Variants in CAMK1D observed in about 807,000 individuals in gnomAD.
CAMK1D encodes calcium/calmodulin dependent protein kinase ID, also known as calcium/calmodulin-dependent protein kinase type 1D.
Under a neutral mutation model 47.7 loss-of-function variants are expected in CAMK1D, and 9 were observed. The ratio of observed to expected loss-of-function variants is 0.19; its 90% CI spans 0.11 to 0.33. CAMK1D has a LOEUF of 0.33. CAMK1D is among the 10% of genes least tolerant of loss of function. CAMK1D has a pLI of 1.00. For missense variants in CAMK1D, 291 were observed against 488.7 expected (o/e 0.60, Z 3.81); for synonymous variants, 184 against 184.9 (o/e 0.99, Z 0.04).
chr10:12,377,005 C>T (rs1179985603), intron 1 of CAMK1D, among the ~76,000 whole-genome samples: 1 of 152,146 alleles, frequency 6.6e-6, no homozygotes, highest in Non-Finnish European at 1.5e-5. Flanking sequence ...AAGTGATCCT[C>T]CTGCCTCGGC....
intron 3 of CAMK1D, among the ~76,000 whole-genome samples, chr10:12,746,915 C>A (rs1346457557): frequency 6.6e-6 from 1 of 152,156 alleles, no homozygotes; most frequent in African/African-American, 2.4e-5. Flanking sequence ...GTTAATGGAA[C>A]CCTAGAAGCA....
chr10:12,472,114 T>G (rs1833765059), intron 1 of CAMK1D, among the ~76,000 whole-genome samples: 1 of 152,118 alleles, frequency 6.6e-6, no homozygotes, highest in Non-Finnish European at 1.5e-5. Context: ...CTGTTTAATC[T>G]GAGATGCGTC....
intron 1 of CAMK1D, among the ~76,000 whole-genome samples, chr10:12,356,218 G>A (rs560548687): frequency 2.2e-4 from 33 of 152,220 alleles, no homozygotes; most frequent in African/African-American, 7.5e-4. Flanking sequence ...GCCGAATTCC[G>A]GATGTGTTTT....
intron 1 of CAMK1D, among the ~76,000 whole-genome samples, chr10:12,547,904 C>T (rs1836448432): frequency 6.6e-6 from 1 of 152,154 alleles, no homozygotes; most frequent in African/African-American, 2.4e-5. Context: ...TAAAGCGGGT[C>T]AATGCACATT....
chr10:12,810,502 T>G (rs1008366968), intron 6 of CAMK1D, among the ~76,000 whole-genome samples: 1 of 152,228 alleles, frequency 6.6e-6, no homozygotes, highest in African/African-American at 2.4e-5. Context: ...CTCGAACTCC[T>G]GACCTCAGGT....
At chr10:12,671,954 C>T (rs1471621693) in intron 3 of CAMK1D, among the ~76,000 whole-genome samples, 29 of 139,332 alleles carry the variant, frequency 2.1e-4, no homozygotes, top group Non-Finnish European at 3.6e-4. Flanking sequence ...CTCAGTCTGT[C>T]GCCCAGGCTG....
intron 3 of CAMK1D, among the ~76,000 whole-genome samples, chr10:12,748,983 A>C (rs562763848): frequency 1.3e-5 from 2 of 152,256 alleles, no homozygotes; most frequent in East Asian, 3.9e-4. Context: ...TCTCTGTTCA[A>C]TTTGATTGTA....
intron 1 of CAMK1D, among the ~76,000 whole-genome samples, chr10:12,445,746 T>C (rs1443239702): frequency 6.6e-6 from 1 of 152,200 alleles, no homozygotes; most frequent in Non-Finnish European, 1.5e-5. Flanking sequence ...GAGAATTATA[T>C]TGCTCATTTG....
At chr10:12,387,346 AT>A (rs1399515078) in intron 1 of CAMK1D, among the ~76,000 whole-genome samples, 3 of 135,038 alleles carry the variant, frequency 2.2e-5, no homozygotes, top group Non-Finnish European at 3.1e-5. Context: ...AGATATATAT[AT>A]TATATTTTAT....
intron 3 of CAMK1D, among the ~76,000 whole-genome samples, chr10:12,727,698 T>C (rs909440385): frequency 9.9e-5 from 15 of 151,932 alleles, no homozygotes; most frequent in African/African-American, 3.6e-4. Context: ...CGTATCACAA[T>C]ATATCATAGG....
intron 1 of CAMK1D, among the ~76,000 whole-genome samples, chr10:12,527,350 CTTTTTTTTTTTT>C (rs750670427): frequency 4.8e-5 from 4 of 84,000 alleles, no homozygotes; most frequent in South Asian, 4.9e-4. Flanking sequence ...ACTTGACTTG[CTTTTTTTTTTTT>C]TTTTTTTTTT....
intron 5 of CAMK1D, among the ~76,000 whole-genome samples, chr10:12,783,738 T>G (rs1185907440): frequency 5.3e-5 from 8 of 152,214 alleles, no homozygotes; most frequent in Admixed American, 3.3e-4. Flanking sequence ...ACTCTTTTTT[T>G]GTTTTTTTGA....
intron 1 of CAMK1D, among the ~76,000 whole-genome samples, chr10:12,488,800 C>T (rs1257511816): frequency 5.3e-5 from 8 of 152,122 alleles, no homozygotes; most frequent in African/African-American, 1.9e-4. Flanking sequence ...TTCATACTCC[C>T]GTGAGAATCT....
intron 5 of CAMK1D, among the ~76,000 whole-genome samples, chr10:12,786,417 A>G (rs1402268701): frequency 6.6e-6 from 1 of 152,232 alleles, no homozygotes; most frequent in Non-Finnish European, 1.5e-5. Flanking sequence ...TCTTGTTCAT[A>G]TTCTTGACAC....
rs914777390 is a variant in CAMK1D at position 12,442,371 on chromosome 10, C to G, written c.92+92461C>G. Among the ~76,000 whole-genome samples the G allele has an allele frequency of 4.6e-5, 7 of 152,090 alleles. No individual in the cohort carries two copies. The East Asian group carries it at 1.3e-3, about 29-fold the overall frequency. ...TGGCAGGTGCCTGTAGTCCCACCTACTCAGGAGGCTGAGGCAGGAGAATGG... is the reference window on the plus strand; with the variant it reads ...TGGCAGGTGCCTGTAGTCCCACCTAGTCAGGAGGCTGAGGCAGGAGAATGG... On this transcript the variant is annotated intron_variant, in intron 1 of 10. Coordinates refer to ENST00000619168, the MANE Select transcript of CAMK1D (RefSeq NM_153498.4).
At chr10:12,706,040 G>T (rs1253509381) in intron 3 of CAMK1D, among the ~76,000 whole-genome samples, 1 of 152,292 alleles carries the variant, frequency 6.6e-6, no homozygotes, top group Middle Eastern at 3.4e-3. Flanking sequence ...TCTGAGGGGG[G>T]TGTGTCCCAA....
At chr10:12,400,997 T>C (rs1839157996) in intron 1 of CAMK1D, among the ~76,000 whole-genome samples, 1 of 134,956 alleles carries the variant, frequency 7.4e-6, no homozygotes, top group Non-Finnish European at 1.5e-5. Context: ...TTTTCTGTCT[T>C]TACCTTTCTC....
chr10:12,532,900 G>T (rs1474075702), intron 1 of CAMK1D, among the ~76,000 whole-genome samples: 2 of 140,002 alleles, frequency 1.4e-5, no homozygotes, highest in Non-Finnish European at 3.0e-5. Flanking sequence ...CAAAACAGTC[G>T]AACTCACGGA....
intron 1 of CAMK1D, among the ~76,000 whole-genome samples, chr10:12,443,384 G>C (rs114288533): frequency 0.011 from 1,653 of 152,138 alleles, 23 homozygotes; most frequent in African/African-American, 0.038. Flanking sequence ...GAAGCTTGTA[G>C]TTGCAATATA....
Sources: allele counts gnomAD v4.1 joint callset (sites outside exome capture counted in the v4.1 genomes callset), GRCh38; gene constraint gnomAD v4.1.1; transcripts MANE v1.5; gene names NCBI Gene and HGNC (gene_info 2026-07-23, HGNC 2026-07-21).